Variants in NME9 observed in about 807,000 individuals in gnomAD.
NME9 encodes the protein thioredoxin domain-containing protein 6.
Under a neutral mutation model 44.4 loss-of-function variants are expected in NME9, and 48 were observed. The observed-to-expected ratio is 1.08, with a 90% CI of 0.86 to 1.37. The LOEUF (loss-of-function observed/expected upper bound fraction) is 1.37. Ranked by LOEUF, NME9 falls within the 40% of genes most tolerant of loss-of-function variation. The probability of loss-of-function intolerance (pLI) is 0.00; values close to 1 mark genes in which losing one functional copy is unlikely to be tolerated. For synonymous variants in NME9, 139 were observed against 147.1 expected, an observed-to-expected ratio of 0.94 and a Z score of 0.40; for missense variants, 325 against 405.2, an observed-to-expected ratio of 0.80 and a Z score of 1.70.
At position 138,305,695 on chromosome 3, in the gene NME9, G is replaced by A. The variant is rs114449834; in HGVS notation, c.636+309C>T. On this transcript the variant is annotated intron_variant, in intron 8 of 10. Coordinates refer to ENST00000333911, the MANE Select transcript of NME9 (RefSeq NM_001349018.2). ...AGTGATATGCTCGAGGCTTTGCTTC[G>A]AGATCCCTAGCTTCCTTTTGTCTCC... Among the ~76,000 whole-genome samples the A allele has an allele frequency of 7.8e-3, 1,192 of 152,280 alleles. 13 individuals are homozygous for A. The highest frequency in any genetic ancestry group is 0.025 in the African/African-American group (1,045 of 41,544).
In NME9 at chr3:138,304,944, G is replaced by A. The variant is rs377196410; in HGVS notation, c.720C>T (p.Asp240=). The change falls in exon 9 of 11, where the codon GAC becomes GAT. Residue 240 remains aspartate, a synonymous_variant. Transcript: ENST00000333911. The stretch of plus-strand genomic sequence containing the variant: ...TGACGGTTCGCCAGGTAGTGACCAC[G>A]TCCTCGAAGCCCTCAGTCCTGGTGA... The part of the protein sequence containing the change: ...LILTRTEGFE[D]VVTTWRTVMG... 21 of 1,613,992 alleles carry A rather than the reference G, an allele frequency of 1.3e-5. No homozygotes were observed. Among genetic ancestry groups the A allele is most frequent in the African/African-American group, 4.0e-5 (3 of 74,896 alleles).
intron 1 of NME9, among the ~76,000 whole-genome samples, chr3:138,325,921 T>G (rs962148762): frequency 6.6e-5 from 10 of 151,770 alleles, no homozygotes; most frequent in Non-Finnish European, 1.3e-4. Context: ...AACACTGACA[T>G]ATTGTGAACA....
rs890050563 is a variant in NME9 at position 138,303,723 on chromosome 3, C to T, written c.792-80G>A. On this transcript the variant is annotated intron_variant, in intron 9 of 10. Coordinates refer to ENST00000333911, the MANE Select transcript of NME9 (RefSeq NM_001349018.2). ...TTTTGCTTTCTGGCAACATGATCAC[C>T]GACTACCAATCAGCACCCTGCATTC... 1.1e-5 allele frequency: 14 copies of T among 1,328,800 alleles called. No individual in the cohort carries two copies. In the African/African-American group the frequency reaches 1.3e-4, roughly 12 times the overall value. 82.3% of individuals were successfully genotyped at this position (1,328,800 alleles called of 1,614,324 possible). A position where few individuals can be genotyped will look rare whatever the true frequency, so the allele number is the denominator to read the frequency against.
At chr3:138,265,092 T>C (rs1163324827) in intron 8 of NME9, among the ~76,000 whole-genome samples, 1 of 151,996 alleles carries the variant, frequency 6.6e-6, no homozygotes, top group East Asian at 1.9e-4. Flanking sequence ...AGACAAGGTC[T>C]CGCCAAGTTG....
intron 8 of NME9, among the ~76,000 whole-genome samples, chr3:138,295,490 A>T (rs572892629): frequency 6.6e-6 from 1 of 152,328 alleles, no homozygotes; most frequent in East Asian, 1.9e-4. Flanking sequence ...CTCACTGCAT[A>T]AAACCTACAT....
At chr3:138,272,820 C>CACTGCAGAGCAGGCAGA in intron 8 of NME9, 1 of 598,722 alleles carries the variant, frequency 1.7e-6, no homozygotes, top group Non-Finnish European at 2.5e-6. Flanking sequence ...TGCAGTGAGC[C>CACTGCAGAGCAGGCAGA]GTTATTGTGC....
intron 3 of NME9, 145 bp downstream of exon 3, chr3:138,319,330 TATC>T (rs1428619807): frequency 3.3e-6 from 2 of 607,482 alleles, no homozygotes; most frequent in Non-Finnish European, 2.9e-6. Flanking sequence ...AATTAGAAAG[TATC>T]ATGACAGTAT....
chr3:138,294,721 T>G (rs1177686733), intron 8 of NME9, among the ~76,000 whole-genome samples: 1 of 152,128 alleles, frequency 6.6e-6, no homozygotes, highest in Admixed American at 6.5e-5. Flanking sequence ...AAACCTGACT[T>G]CCTAACTCCC....
At chr3:138,299,686 C>G (rs1347313401), downstream of NME9, among the ~76,000 whole-genome samples, 1 of 152,200 alleles carries the variant, frequency 6.6e-6, no homozygotes, top group Non-Finnish European at 1.5e-5. Context: ...CCTCCCACTC[C>G]TGCCCCATCA....
At chr3:138,315,070 A>G (rs908850911) in intron 5 of NME9, among the ~76,000 whole-genome samples, 2 of 152,230 alleles carry the variant, frequency 1.3e-5, no homozygotes, top group Admixed American at 6.5e-5. Flanking sequence ...TGCTGATTCT[A>G]TTTCTCATGA....
intron 6 of NME9, among the ~76,000 whole-genome samples, chr3:138,309,620 G>A (rs2052547927): frequency 6.6e-6 from 1 of 152,180 alleles, no homozygotes; most frequent in South Asian, 2.1e-4. Context: ...AGGAGGCGGA[G>A]GTTGCAGTAA....
rs370489172 is a variant in NME9 at position 138,294,550 on chromosome 3, C to T, written c.745+8957G>A. Among the ~76,000 whole-genome samples, 8 of 152,296 alleles carry T rather than the reference C, an allele frequency of 5.3e-5. No individual in the cohort carries two copies. The East Asian group carries it at 7.7e-4, about 15-fold the overall frequency. Reference sequence around the variant, plus strand: ...AGAGTCTTATATAATTGCAAGAATACACCTTAGTATACCACTTAAAAAACT... The same window carrying T: ...AGAGTCTTATATAATTGCAAGAATATACCTTAGTATACCACTTAAAAAACT... On this transcript the variant is annotated intron_variant, in intron 8 of 8. Coordinates refer to the NME9 transcript ENST00000317876.
intron 2 of NME9, among the ~76,000 whole-genome samples, chr3:138,319,799 A>G (rs1467119937): frequency 6.6e-6 from 1 of 152,254 alleles, no homozygotes; most frequent in Non-Finnish European, 1.5e-5. Flanking sequence ...TTCTAAATAC[A>G]GTATAAGCAT....
intron 8 of NME9, among the ~76,000 whole-genome samples, chr3:138,270,803 A>G (rs2048719733): frequency 6.6e-6 from 1 of 152,210 alleles, no homozygotes; most frequent in South Asian, 2.1e-4. Flanking sequence ...CTTTGAGGTT[A>G]GAGAACCATT....
At chr3:138,316,519 A>G (rs1248145944) in intron 4 of NME9, among the ~76,000 whole-genome samples, 2 of 152,238 alleles carry the variant, frequency 1.3e-5, no homozygotes, top group African/African-American at 2.4e-5. Context: ...AATTGCCAGC[A>G]TCATCTGAGA....
intron 8 of NME9, chr3:138,263,995 A>T: frequency 1.0e-6 from 1 of 955,402 alleles, no homozygotes. Context: ...AAACCCCATA[A>T]AGTGGTCTGA....
chr3:138,297,503 TC>T (rs914763881), downstream of NME9: 130 of 152,340 alleles, frequency 8.5e-4, 2 homozygotes, highest in African/African-American at 3.0e-3. Context: ...ATGGGGTTGC[TC>T]ACACTGCAGC....
Position 138,301,075 on chromosome 3 carries a change from A to G in NME9, c.*565T>C. The G allele has an allele frequency of 6.2e-6, 6 of 974,858 alleles. No individual in the cohort carries two copies. The highest frequency in any genetic ancestry group is 7.3e-6 in the Non-Finnish European group (6 of 820,326). 60.4% of individuals were successfully genotyped at this position (974,858 alleles called of 1,614,324 possible). ...CAGTATCCTCTGAGATGACACTTATATCTCACAACAGGATGTAATAACTGA... is the reference window on the plus strand; with the variant it reads ...CAGTATCCTCTGAGATGACACTTATGTCTCACAACAGGATGTAATAACTGA... On this transcript the variant is annotated 3_prime_UTR_variant, in exon 11 of 11. Coordinates refer to ENST00000333911, the MANE Select transcript of NME9 (RefSeq NM_001349018.2).
At chr3:138,286,351 A>G (rs765316281) in intron 8 of NME9, among the ~76,000 whole-genome samples, 2 of 152,164 alleles carry the variant, frequency 1.3e-5, no homozygotes, top group African/African-American at 4.8e-5. Context: ...CCATCATTCA[A>G]CTGAAACTTA....
Sources: gnomAD v4.1 joint callset for allele counts (sites outside exome capture counted in the v4.1 genomes callset) on GRCh38, gnomAD v4.1.1 for gene constraint, MANE v1.5 for transcripts, NCBI Gene and HGNC (gene_info 2026-07-23, HGNC 2026-07-21) for gene names.